Variants in RBFOX1 observed in about 807,000 individuals in gnomAD.
RBFOX1 encodes RNA binding fox-1 homolog 1, also known as RNA binding protein fox-1 homolog 1.
In RBFOX1, 8 loss-of-function variants were observed where a neutral mutation model predicts 57.7. That is an observed-to-expected ratio of 0.14 (90% CI 0.08 to 0.25). RBFOX1 has a LOEUF of 0.25. RBFOX1 is among the 10% of genes least tolerant of loss of function. The pLI is 1.00. For synonymous variants in RBFOX1, 326 were observed against 222.4 expected (o/e 1.47, Z -4.15); for missense variants, 611 against 548.5 (o/e 1.11, Z -1.14).
At chr16:6,607,220 A>T (rs191334504) in intron 2 of RBFOX1, among the ~76,000 whole-genome samples, 1 of 152,316 alleles carries the variant, frequency 6.6e-6, no homozygotes, top group East Asian at 1.9e-4. Context: ...TGACAGAAAG[A>T]TATCAGAATG....
chr16:6,575,154 A>G (rs746133125), intron 2 of RBFOX1, among the ~76,000 whole-genome samples: 17 of 152,244 alleles, frequency 1.1e-4, no homozygotes, highest in Non-Finnish European at 1.9e-4. Flanking sequence ...ACGTTGTTTG[A>G]AATCTGCCTT....
chr16:7,628,894 T>G (rs898482323), intron 10 of RBFOX1, among the ~76,000 whole-genome samples: 1 of 152,264 alleles, frequency 6.6e-6, no homozygotes, highest in East Asian at 1.9e-4. Flanking sequence ...ATGACAGGCA[T>G]GAGCCACTAC....
chr16:5,470,273 A>C (rs1170986768), intron 2 of RBFOX1, among the ~76,000 whole-genome samples: 1 of 152,156 alleles, frequency 6.6e-6, no homozygotes, highest in African/African-American at 2.4e-5. Context: ...TGGGCAAAGA[A>C]GGGGGTAGGA....
intron 4 of RBFOX1, among the ~76,000 whole-genome samples, chr16:7,157,780 A>C (rs1274662320): frequency 6.6e-6 from 1 of 152,188 alleles, no homozygotes; most frequent in Non-Finnish European, 1.5e-5. Flanking sequence ...GACTCTAGGC[A>C]AGAAATTGGA....
chr16:5,289,467 GA>G (rs1287555016), intron 1 of RBFOX1: 1 of 219,772 alleles, frequency 4.6e-6, no homozygotes, highest in Non-Finnish European at 9.2e-6. Flanking sequence ...AATATAAAAA[GA>G]AAGCAAAGTA....
chr16:5,760,526 A>G (rs1341031984), intron 3 of RBFOX1, among the ~76,000 whole-genome samples: 1 of 152,194 alleles, frequency 6.6e-6, no homozygotes, highest in African/African-American at 2.4e-5. Flanking sequence ...AACAGAGGAG[A>G]AGATAAACAA....
At chr16:6,041,368 T>G in intron 1 of RBFOX1, among the ~76,000 whole-genome samples, 1 of 152,144 alleles carries the variant, frequency 6.6e-6, no homozygotes, top group East Asian at 1.9e-4. Context: ...TCAAAGAATT[T>G]TCAGACATGT....
At chr16:7,492,532 G>C (rs527477371) in intron 4 of RBFOX1, among the ~76,000 whole-genome samples, 6 of 152,178 alleles carry the variant, frequency 3.9e-5, no homozygotes, top group Admixed American at 6.5e-5. Context: ...TACTTAAAAC[G>C]ACACTAAATA....
chr16:7,653,985 C>A, intron 12 of RBFOX1, 38 bp downstream of exon 12: 1 of 1,455,206 alleles, frequency 6.9e-7, no homozygotes, highest in Non-Finnish European at 9.0e-7. Flanking sequence ...CTCCCTGCAC[C>A]AGCCCTCCCT....
chr16:5,819,173 A>G (rs2055756031), intron 3 of RBFOX1, among the ~76,000 whole-genome samples: 1 of 152,128 alleles, frequency 6.6e-6, no homozygotes, highest in African/African-American at 2.4e-5. Context: ...GGAAGTGCAA[A>G]TCAAGGTGTC....
chr16:7,559,023 G>C (rs1365900203), intron 5 of RBFOX1, among the ~76,000 whole-genome samples: 1 of 152,060 alleles, frequency 6.6e-6, no homozygotes, highest in Non-Finnish European at 1.5e-5. Flanking sequence ...CATCAATGAA[G>C]AGTGCCTGGT....
intron 2 of RBFOX1, among the ~76,000 whole-genome samples, chr16:6,480,064 A>AG (rs1323267914): frequency 6.6e-6 from 1 of 151,788 alleles, no homozygotes; most frequent in Non-Finnish European, 1.5e-5. Context: ...AAAAAAAAAA[A>AG]AAAATCACTG....
intron 3 of RBFOX1, among the ~76,000 whole-genome samples, chr16:6,733,053 C>G (rs143358818): frequency 6.6e-6 from 1 of 152,046 alleles, no homozygotes; most frequent in Non-Finnish European, 1.5e-5. Context: ...TATTAAGAGA[C>G]GTCAACATCT....
intron 1 of RBFOX1, among the ~76,000 whole-genome samples, chr16:5,425,414 T>C (rs2067529233): frequency 6.6e-6 from 1 of 152,012 alleles, no homozygotes; most frequent in Non-Finnish European, 1.5e-5. Flanking sequence ...AGCATGTGTG[T>C]TTTCTATGCT....
At chr16:6,583,169 G>C (rs1014759391) in intron 2 of RBFOX1, among the ~76,000 whole-genome samples, 3 of 152,136 alleles carry the variant, frequency 2.0e-5, no homozygotes, top group Non-Finnish European at 4.4e-5. Context: ...CTCATTTCTT[G>C]GTTGCTTCAG....
chr16:5,696,202 G>A (rs1039206538), intron 3 of RBFOX1, among the ~76,000 whole-genome samples: 1 of 152,144 alleles, frequency 6.6e-6, no homozygotes, highest in Admixed American at 6.5e-5. Flanking sequence ...AAGAGCTGAT[G>A]CCTCTGGGTA....
At chr16:6,294,413 T>C (rs929780469) in intron 1 of RBFOX1, among the ~76,000 whole-genome samples, 1 of 152,220 alleles carries the variant, frequency 6.6e-6, no homozygotes, top group Non-Finnish European at 1.5e-5. Context: ...TTTGCGTAAA[T>C]TGTTTTAAGC....
At chr16:6,995,250 C>T (rs1032586260) in intron 3 of RBFOX1, among the ~76,000 whole-genome samples, 1 of 142,586 alleles carries the variant, frequency 7.0e-6, no homozygotes, top group Non-Finnish European at 1.5e-5. Context: ...ATTAGTCAAA[C>T]CTGTATTGAT....
chr16:6,996,847 G>A (rs1053997428), intron 3 of RBFOX1, among the ~76,000 whole-genome samples: 1 of 152,042 alleles, frequency 6.6e-6, no homozygotes, highest in African/African-American at 2.4e-5. Context: ...TTGCTGAATG[G>A]GACACAGAGG....
Sources: allele counts gnomAD v4.1 joint callset (sites outside exome capture counted in the v4.1 genomes callset), GRCh38; gene constraint gnomAD v4.1.1; transcripts MANE v1.5; gene names NCBI Gene and HGNC (gene_info 2026-07-23, HGNC 2026-07-21).